BICRA: variants seen among roughly 807,000 people sequenced by gnomAD.
The protein encoded by BICRA is BRD4 interacting chromatin remodeling complex associated protein.
In BICRA, 31 loss-of-function variants were observed where a neutral mutation model predicts 96.9. The ratio of observed to expected loss-of-function variants is 0.32; its 90% confidence interval spans 0.24 to 0.43. The LOEUF (loss-of-function observed/expected upper bound fraction) is 0.43. Among genes scored for constraint, BICRA ranks in the 20% least tolerant of loss-of-function variants. The pLI is 1.00. For missense variants in BICRA, 2,283 were observed against 2,190.3 expected, an observed-to-expected ratio of 1.04 and a Z score of -0.84; for synonymous variants, 1,350 against 1,071.8, an observed-to-expected ratio of 1.26 and a Z score of -5.07.
At chr19:47,686,076 G>T (rs966517507) in intron 7 of BICRA, among the ~76,000 whole-genome samples, 79 of 151,380 alleles carry the variant, frequency 5.2e-4, no homozygotes, top group African/African-American at 1.6e-3. Flanking sequence ...GACTACAGGC[G>T]CACGCCACCG....
rs773816726 is a variant in BICRA, at chr19:47,698,802, C to T, written c.3397+20C>T. ...ACAAAGGTGAGGCCTCCCCAGGACA[C>T]GGCCCTATATGTCCCAGGGGACCCC... On this transcript the variant is annotated intron_variant, in intron 12 of 14. Transcript: ENST00000594866. This position sits in a 1 kb window ranked among gnomAD's most constrained non-coding sequence, Gnocchi z 4.8. 6 of 1,576,086 alleles carry T rather than the reference C, an allele frequency of 3.8e-6. No individual in the cohort carries two copies. Among genetic ancestry groups the T allele is most frequent in the Admixed American group, 3.5e-5 (2 of 56,550 alleles).
rs1273558393 is a variant in BICRA at position 47,698,740 on chromosome 19, G to A, written c.3355G>A (p.Val1119Ile). 6.2e-7 allele frequency: 1 copy of A among 1,610,528 alleles called. No homozygotes were observed. The highest frequency in any genetic ancestry group is 8.5e-7 in the Non-Finnish European group (1 of 1,177,406). Residue 1119 changes from valine (V) to isoleucine (I), a missense_variant, in exon 12 of 15, where the codon GTC (valine) becomes ATC (isoleucine). Physicochemically the swap from Val to Ile is conservative, Grantham distance 29 (BLOSUM62 3). Coordinates refer to ENST00000594866, the MANE Select transcript of BICRA (RefSeq NM_001394372.1). This position sits in a 1 kb window ranked among gnomAD's most constrained non-coding sequence, Gnocchi z 4.8. The part of the protein sequence containing the change: ...DALHRLLPYH[V>I]YQGALPSPSD... ...CCTGCATCGCCTCCTGCCCTACCAT[G>A]TCTACCAGGGCGCCCTCCCCTCCCC...
At position 47,702,972 on chromosome 19, in the gene BICRA, CTG is replaced by C. The variant is rs3074111; in HGVS notation, c.*574_*575del. 0.78 allele frequency: 119,879 copies of C among 154,510 alleles called. 47,411 individuals carry two copies. The highest frequency in any genetic ancestry group is 0.96 in the East Asian group (4,899 of 5,118). The allele number at this position is 154,510 out of a possible 1,614,324, so 9.6% of individuals were successfully genotyped here. A position where few individuals can be genotyped will look rare whatever the true frequency, so the allele number is the denominator to read the frequency against. ...ACATCCGCACGTCCAGCTCCGTGAC[CTG>C]TGTGTGTGTGTGTGTGCACAAGTGA... On this transcript the variant is annotated 3_prime_UTR_variant, in exon 15 of 15. Transcript: ENST00000594866.
chr19:47,702,248 G>T lies in BICRA; in HGVS notation c.4516G>T (p.Asp1506Tyr). 6.3e-7 allele frequency: 1 copy of T among 1,598,670 alleles called. No individual in the cohort carries two copies. Residue 1506 changes from aspartate to tyrosine, a missense_variant, in exon 15 of 15, where the codon GAC becomes TAC. Physicochemically the swap from Asp to Tyr is radical, Grantham distance 160 (BLOSUM62 -3). Transcript: ENST00000594866. ...TLTEHLQSAI[D>Y]SILNLQQAPG... ...CACCGAGCACCTGCAGAGCGCCATC[G>T]ACAGCATCCTGAACCTGCAGCAGGC...
At chr19:47,642,014 A>G (rs1365771867) in intron 1 of BICRA, among the ~76,000 whole-genome samples, 1 of 152,196 alleles carries the variant, frequency 6.6e-6, no homozygotes, top group African/African-American at 2.4e-5. Flanking sequence ...TAGTGTGTAG[A>G]AACACCACTG....
At chr19:47,638,234 C>G (rs186216062) in intron 1 of BICRA, among the ~76,000 whole-genome samples, 217 of 152,324 alleles carry the variant, frequency 1.4e-3, no homozygotes, top group Non-Finnish European at 1.5e-3. Flanking sequence ...TCTGCTCCCC[C>G]CTCAGGGAGG....
chr19:47,643,185 G>T (rs1000812750), intron 1 of BICRA, among the ~76,000 whole-genome samples: 3 of 152,238 alleles, frequency 2.0e-5, no homozygotes, highest in Non-Finnish European at 4.4e-5. Context: ...GGCCGAGCTG[G>T]TCTTGAACTC....
At position 47,673,775 on chromosome 19, in the gene BICRA, G is replaced by A. The variant is rs370023070; in HGVS notation, c.84+13G>A. ...TGGATCCGAGAAGGTAAGCATGGGC[G>A]CAGGGAGAGGCATTCCCTGAGTGGG... On this transcript the variant is annotated intron_variant, in intron 4 of 14. Transcript: ENST00000594866. 38 of 1,606,858 alleles carry A rather than the reference G, an allele frequency of 2.4e-5. No homozygotes were observed. In the African/African-American group the frequency reaches 3.7e-4, roughly 16 times the overall value.
chr19:47,673,789 T>C, intron 4 of BICRA, 27 bp downstream of exon 4: 1 of 1,591,918 alleles, frequency 6.3e-7, no homozygotes, highest in South Asian at 1.1e-5. Context: ...GGAGAGGCAT[T>C]CCCTGAGTGG....
intron 1 of BICRA, among the ~76,000 whole-genome samples, chr19:47,659,957 C>G (rs1467424221): frequency 6.6e-6 from 1 of 152,052 alleles, no homozygotes; most frequent in Non-Finnish European, 1.5e-5. Flanking sequence ...CACTGTGTTG[C>G]CCAGGCTACA....
intron 7 of BICRA, among the ~76,000 whole-genome samples, chr19:47,684,980 ATT>A (rs937630547): frequency 6.6e-6 from 1 of 151,952 alleles, no homozygotes; most frequent in Non-Finnish European, 1.5e-5. Context: ...AGCTGAACTT[ATT>A]TTTTTGGAAA....
Position 47,679,825 on chromosome 19 carries a change from A to G in BICRA, c.655A>G (p.Asn219Asp). The part of the protein sequence containing the change: ...QPIPGLQGLP[N>D]GSPGGATAAT... ...CATCCCGGGCCTCCAAGGCCTGCCCAATGGCAGCCCTGGGGGTGCCACGGC... is the reference window on the plus strand; with the variant it reads ...CATCCCGGGCCTCCAAGGCCTGCCCGATGGCAGCCCTGGGGGTGCCACGGC... The change falls in exon 6 of 15, where the codon AAT (asparagine) becomes GAT (aspartate). Residue 219 changes from asparagine (N) to aspartate (D), a missense_variant. By Grantham distance (23) the Asn-to-Asp change is conservative. Transcript: ENST00000594866. 6.7e-7 allele frequency: 1 copy of G among 1,486,474 alleles called. No individual in the cohort carries two copies. The highest frequency in any genetic ancestry group is 1.3e-5 in the South Asian group (1 of 75,774). 92.1% of individuals were successfully genotyped at this position (1,486,474 alleles called of 1,614,324 possible).
chr19:47,613,835 G>A (rs1027643230), intron 1 of BICRA, among the ~76,000 whole-genome samples: 1 of 152,088 alleles, frequency 6.6e-6, no homozygotes, highest in Non-Finnish European at 1.5e-5. Flanking sequence ...TCAGTGACAC[G>A]CAAGTTTCCC....
intron 1 of BICRA, among the ~76,000 whole-genome samples, chr19:47,624,919 C>T (rs1276774682): frequency 6.6e-6 from 1 of 150,758 alleles, no homozygotes; most frequent in Non-Finnish European, 1.5e-5. Flanking sequence ...GCCTTGAACT[C>T]CCGGGCTCAA....
At position 47,702,055 on chromosome 19, in the gene BICRA, G is replaced by T; in HGVS notation, c.4323G>T (p.Gln1441His). 6.6e-7 allele frequency: 1 copy of T among 1,510,244 alleles called. No individual in the cohort carries two copies. 93.6% of individuals were successfully genotyped at this position (1,510,244 alleles called of 1,614,324 possible). Residue 1441 changes from glutamine (Q) to histidine (H), a missense_variant, in exon 15 of 15, where the codon CAG becomes CAT. By Grantham distance (24) the Gln-to-His change is conservative. Transcript: ENST00000594866. ...CGGCCGTGGAGGACGAGCTGTACCA[G>T]CGTATGCTGAAGGGCCCCCCGCCAG... is the stretch of plus-strand genomic sequence containing the variant. ...ELAAVEDELY[Q>H]RMLKGPPPEP...
Position 47,658,997 on chromosome 19 carries a change from G to A in BICRA, c.-107-11446G>A, listed in dbSNP as rs896623073. ...AATGCCTGTACTTTACCCTCTCCCA[G>A]GGTTTTTCCTGTTTCTCATAAGCCA... On this transcript the variant is annotated intron_variant, in intron 1 of 14. Transcript: ENST00000594866. 7.9e-5 allele frequency among the ~76,000 whole-genome samples: 12 copies of A among 152,062 alleles called. No homozygotes were observed. In the East Asian group the frequency reaches 2.3e-3, roughly 29 times the overall value.
chr19:47,611,595 C>T (rs1312447178), intron 1 of BICRA, among the ~76,000 whole-genome samples: 2 of 152,214 alleles, frequency 1.3e-5, no homozygotes, highest in South Asian at 2.1e-4. Context: ...TTCCTATGCC[C>T]TGTGACCCGC....
In BICRA at chr19:47,677,752, G is replaced by A. The variant is rs75912028; in HGVS notation, c.151-1569G>A. 1.8e-4 allele frequency among the ~76,000 whole-genome samples: 27 copies of A among 152,336 alleles called. 1 individual carries two copies. In the East Asian group the frequency reaches 5.2e-3, roughly 29 times the overall value. On this transcript the variant is annotated intron_variant, in intron 5 of 14. Coordinates refer to ENST00000594866, the MANE Select transcript of BICRA (RefSeq NM_001394372.1). Reference sequence around the variant, plus strand: ...AACTCACAGTGCGGTTGGCACAGAAGTTCACAAATGGGAGCCACTGCTGAT... The same window carrying A: ...AACTCACAGTGCGGTTGGCACAGAAATTCACAAATGGGAGCCACTGCTGAT...
At position 47,675,323 on chromosome 19, in the gene BICRA, G is replaced by A. The variant is rs1972924019; in HGVS notation, c.85-528G>A. On this transcript the variant is annotated intron_variant, in intron 4 of 14. Transcript: ENST00000594866. The surrounding 1 kb of genome is among the most constrained non-coding windows in gnomAD (Gnocchi z 4.7). ...GGACATACATTCACTGGGCACATAT[G>A]TGGATGCCAGGGCCTGTTCTGGGCA... is the stretch of plus-strand genomic sequence containing the variant. Among the ~76,000 whole-genome samples the A allele has an allele frequency of 6.6e-6, 1 of 152,240 alleles. No individual in the cohort carries two copies. Among genetic ancestry groups the A allele is most frequent in the Admixed American group, 6.5e-5 (1 of 15,278 alleles).
Sources: allele counts gnomAD v4.1 joint callset (sites outside exome capture counted in the v4.1 genomes callset), GRCh38; gene constraint gnomAD v4.1.1; non-coding constraint Gnocchi (gnomAD v3.1); transcripts MANE v1.5; gene names NCBI Gene and HGNC (gene_info 2026-07-23, HGNC 2026-07-21).